Variants in RALY observed in about 807,000 individuals in gnomAD.
RALY encodes the protein RALY heterogeneous nuclear ribonucleoprotein, also known as RNA-binding protein Raly.
Under a neutral mutation model 30.7 loss-of-function variants are expected in RALY, and 15 were observed. That is an observed-to-expected ratio of 0.49 (90% CI 0.33 to 0.75). RALY has a LOEUF of 0.75. RALY is among the 30% of genes least tolerant of loss of function. The pLI is 0.02. For missense variants in RALY, 339 were observed against 414.3 expected (o/e 0.82, Z 1.58); for synonymous variants, 177 against 170.8 (o/e 1.04, Z -0.28).
intron 2 of RALY, among the ~76,000 whole-genome samples, chr20:34,052,835 T>TA (rs1274903462): frequency 6.6e-6 from 1 of 152,040 alleles, no homozygotes; most frequent in Non-Finnish European, 1.5e-5. Flanking sequence ...ACCAGTAATA[T>TA]AAAAAAGATC....
intron 2 of RALY, among the ~76,000 whole-genome samples, chr20:34,051,786 T>C (rs1601475244): frequency 1.3e-5 from 2 of 152,088 alleles, no homozygotes; most frequent in East Asian, 3.9e-4. Context: ...TGTTGTTGTT[T>C]AGTAGAGACG....
intron 2 of RALY, among the ~76,000 whole-genome samples, chr20:34,067,290 A>G (rs967322941): frequency 6.6e-6 from 1 of 151,568 alleles, no homozygotes; most frequent in Non-Finnish European, 1.5e-5. Context: ...CAGCCTCCCA[A>G]GTAGCTGGGA....
intron 2 of RALY, among the ~76,000 whole-genome samples, chr20:34,053,491 G>A (rs1050894636): frequency 1.4e-5 from 2 of 139,018 alleles, no homozygotes; most frequent in Non-Finnish European, 3.0e-5. Flanking sequence ...CCAACCTTCT[G>A]GGCTCAAGCA....
At chr20:34,026,680 A>C (rs1210524334) in intron 1 of RALY, among the ~76,000 whole-genome samples, 1 of 151,650 alleles carries the variant, frequency 6.6e-6, no homozygotes, top group Non-Finnish European at 1.5e-5. Flanking sequence ...AACCTGAGAC[A>C]TTTTAAACCT....
intron 1 of RALY, among the ~76,000 whole-genome samples, chr20:34,021,983 G>A (rs2031842286): frequency 6.6e-6 from 1 of 150,764 alleles, no homozygotes. Context: ...CTCAACTCCT[G>A]GCCTCCCAAA....
chr20:34,003,634 GT>G (rs775178178), intron 1 of RALY, among the ~76,000 whole-genome samples: 248 of 112,948 alleles, frequency 2.2e-3, no homozygotes, highest in Middle Eastern at 0.013. Context: ...ATGCCAAACA[GT>G]TTTTTTTTTT....
At chr20:34,059,144 T>G (rs1370502301) in intron 2 of RALY, among the ~76,000 whole-genome samples, 2 of 152,196 alleles carry the variant, frequency 1.3e-5, no homozygotes, top group Non-Finnish European at 2.9e-5. Context: ...TTCCCCTGTC[T>G]GAATGTGGGA....
At chr20:34,067,762 C>T (rs1227615016) in intron 2 of RALY, among the ~76,000 whole-genome samples, 1 of 151,714 alleles carries the variant, frequency 6.6e-6, no homozygotes, top group Non-Finnish European at 1.5e-5. Flanking sequence ...AAGGTGAAGG[C>T]ACTTATTGGG....
intron 3 of RALY, among the ~76,000 whole-genome samples, chr20:34,073,253 G>A (rs1347334021): frequency 6.6e-6 from 1 of 151,750 alleles, no homozygotes; most frequent in Non-Finnish European, 1.5e-5. Flanking sequence ...TTACATGAGT[G>A]TATTTGAGAA....
At chr20:34,009,243 T>G (rs1481161526) in intron 1 of RALY, among the ~76,000 whole-genome samples, 1 of 151,744 alleles carries the variant, frequency 6.6e-6, no homozygotes, top group Non-Finnish European at 1.5e-5. Flanking sequence ...TTTTTTTTTG[T>G]TTTGTTTTGT....
chr20:34,001,284 T>G (rs1045432832), intron 1 of RALY, among the ~76,000 whole-genome samples: 2 of 152,216 alleles, frequency 1.3e-5, no homozygotes, highest in Admixed American at 1.3e-4. Flanking sequence ...CATTTTAAGA[T>G]TTTCACACAA....
At position 34,083,583 on chromosome 20, in the gene RALY, T is replaced by C. The variant is rs1485492272; in HGVS notation, c.*3678T>C. 1 of 152,240 alleles carries C rather than the reference T, an allele frequency of 6.6e-6. No individual in the cohort carries two copies. The allele number at this position is 152,240 out of a possible 1,614,324, so 9.4% of individuals were successfully genotyped here. On this transcript the variant is annotated 3_prime_UTR_variant, in exon 10 of 10. Transcript: ENST00000246194. ...ATTTCACTTGCCAACTCAGAACTTT[T>C]AGTAGCAGCTGCCTGGAGTGCCTTT...
intron 2 of RALY, among the ~76,000 whole-genome samples, chr20:34,040,267 T>C (rs903610885): frequency 3.9e-5 from 6 of 152,236 alleles, no homozygotes; most frequent in Admixed American, 3.3e-4. Context: ...AGAGTTTTTT[T>C]CCCCTCTAGA....
chr20:34,077,483 A>T (rs944247316), intron 8 of RALY: 2 of 798,096 alleles, frequency 2.5e-6, no homozygotes, highest in African/African-American at 3.5e-5. Flanking sequence ...ATGCGGGCAC[A>T]TTCTGGCCTC....
intron 3 of RALY, 64 bp downstream of exon 3, chr20:34,072,394 C>T: frequency 1.3e-6 from 2 of 1,528,452 alleles, no homozygotes; most frequent in East Asian, 2.3e-5. Flanking sequence ...CTATCCAGTT[C>T]TCAACCCCCT....
intron 2 of RALY, among the ~76,000 whole-genome samples, chr20:34,071,526 G>A (rs940254274): frequency 1.2e-4 from 19 of 152,130 alleles, no homozygotes; most frequent in Middle Eastern, 3.4e-3. Context: ...TGATGCACCC[G>A]TCTCGGCCTC....
At chr20:33,996,965 AC>A (rs1195302361) in intron 1 of RALY, among the ~76,000 whole-genome samples, 1 of 152,106 alleles carries the variant, frequency 6.6e-6, no homozygotes, top group Non-Finnish European at 1.5e-5. Context: ...ATTAGTCCTC[AC>A]CTGCAGCAGA....
chr20:34,025,907 T>TG (rs769419968), intron 1 of RALY, among the ~76,000 whole-genome samples: 14 of 142,648 alleles, frequency 9.8e-5, no homozygotes, highest in African/African-American at 3.5e-4. Context: ...TTGTTTTTTT[T>TG]TTTTTTTTTT....
chr20:34,064,640 C>G (rs749510590), intron 2 of RALY, among the ~76,000 whole-genome samples: 3 of 152,156 alleles, frequency 2.0e-5, no homozygotes, highest in Non-Finnish European at 4.4e-5. Context: ...CCCCAACTCC[C>G]TTACTCTCAG....
Sources: allele counts gnomAD v4.1 joint callset (sites outside exome capture counted in the v4.1 genomes callset), GRCh38; gene constraint gnomAD v4.1.1; transcripts MANE v1.5; gene names NCBI Gene and HGNC (gene_info 2026-07-23, HGNC 2026-07-21).